SLC2A3: variants seen among roughly 807,000 people sequenced by gnomAD.
SLC2A3 encodes the protein solute carrier family 2, facilitated glucose transporter member 3.
A neutral mutation model predicts 46.4 loss-of-function variants in SLC2A3; 21 were observed. The observed-to-expected ratio is 0.45, with a 90% CI of 0.32 to 0.65. The LOEUF is 0.65. SLC2A3 is among the 30% of genes least tolerant of loss of function. The probability of loss-of-function intolerance (pLI) is 0.04; values close to 1 mark genes in which losing one functional copy is unlikely to be tolerated. For missense variants in SLC2A3, 499 were observed against 623.3 expected (o/e 0.80, Z 2.12); for synonymous variants, 213 against 239.4 (o/e 0.89, Z 1.02).
At chr12:7,933,710 G>A in intron 2 of SLC2A3, 100 bp downstream of exon 2, 1 of 1,281,476 alleles carries the variant, frequency 7.8e-7, no homozygotes, top group Non-Finnish European at 1.1e-6. Flanking sequence ...ACTCCAGGCA[G>A]ATGCCACCAT....
rs763328206 is a variant in SLC2A3, at chr12:7,931,465, A to T, written c.290T>A (p.Val97Asp). ...RFGRRNSMLI[V>D]NLLAVTGGCF... ...GCCACCAGTGACAGCCAACAGGTTG[A>T]CAATCAGCATTGAATTGCGCCTGTA... The change falls in exon 4 of 10, where the codon GTC (valine) becomes GAC (aspartate). Residue 97 changes from valine (V) to aspartate (D), a missense_variant. Transcript: ENST00000075120. 1.2e-6 allele frequency: 2 copies of T among 1,614,202 alleles called. No individual in the cohort carries two copies. Among genetic ancestry groups the T allele is most frequent in the Non-Finnish European group, 1.7e-6 (2 of 1,180,032 alleles).
chr12:7,921,383 T>C lies in SLC2A3; in HGVS notation c.*30A>G. 6.2e-7 allele frequency: 1 copy of C among 1,613,840 alleles called. No individual in the cohort carries two copies. Among genetic ancestry groups the C allele is most frequent in the South Asian group, 1.1e-5 (1 of 91,080 alleles). ...TGTTGAGGGAGAGGTGGCTTTCCCA[T>C]GCCGGGAGGGAGGTGGAAGGAGGCA... is the stretch of plus-strand genomic sequence containing the variant. On this transcript the variant is annotated 3_prime_UTR_variant, in exon 10 of 10. Coordinates refer to ENST00000075120, the MANE Select transcript of SLC2A3 (RefSeq NM_006931.3).
intron 6 of SLC2A3, among the ~76,000 whole-genome samples, chr12:7,926,367 A>G (rs1946094968): frequency 6.6e-6 from 1 of 152,166 alleles, no homozygotes; most frequent in Non-Finnish European, 1.5e-5. Flanking sequence ...CTAGGATTAC[A>G]GGCATGAGCC....
In SLC2A3 at chr12:7,933,873, T is replaced by C; in HGVS notation, c.45A>G (p.Thr15=). The C allele has an allele frequency of 6.2e-7, 1 of 1,614,070 alleles. No homozygotes were observed. The highest frequency in any genetic ancestry group is 8.5e-7 in the Non-Finnish European group (1 of 1,179,974). ...KVTPALIFAI[T]VATIGSFQFG... ...ATTGGAAAGAGCCGATTGTAGCAAC[T>C]GTGATGGCAAATATCAGAGCTGGGG... is the stretch of plus-strand genomic sequence containing the variant. The change falls in exon 2 of 10, where the codon ACA becomes ACG. Residue 15 remains threonine (T), a synonymous_variant. Coordinates refer to ENST00000075120, the MANE Select transcript of SLC2A3 (RefSeq NM_006931.3).
Position 7,928,089 on chromosome 12 carries a change from G to A in SLC2A3, c.861+1595C>T, listed in dbSNP as rs971162872. Among the ~76,000 whole-genome samples, 22 of 151,774 alleles carry A rather than the reference G, an allele frequency of 1.4e-4. 1 individual carries two copies. The highest frequency in any genetic ancestry group is 2.9e-4 in the Non-Finnish European group (20 of 67,942). On this transcript the variant is annotated intron_variant, in intron 6 of 9. Coordinates refer to ENST00000075120, the MANE Select transcript of SLC2A3 (RefSeq NM_006931.3). ...CCACAGCACTCCAGCCTGGGTGACAGAACAAGACTTCACCTCAAAAAAAGG... is the reference window on the plus strand; with the variant it reads ...CCACAGCACTCCAGCCTGGGTGACAAAACAAGACTTCACCTCAAAAAAAGG...
intron 2 of SLC2A3, chr12:7,933,362 C>T: frequency 3.1e-6 from 2 of 641,546 alleles, no homozygotes; most frequent in Non-Finnish European, 2.6e-6. Context: ...CCGATGTTCA[C>T]AGTCTACCCC....
At position 7,921,467 on chromosome 12, in the gene SLC2A3, G is replaced by A. The variant is rs773173270; in HGVS notation, c.1437C>T (p.Gly479=). 3.7e-5 allele frequency: 59 copies of A among 1,613,954 alleles called. No individual in the cohort carries two copies. Among genetic ancestry groups the A allele is most frequent in the Non-Finnish European group, 4.8e-5 (57 of 1,179,870 alleles). Residue 479 remains glycine (G), a synonymous_variant, in exon 10 of 10, where the codon GGC becomes GGT. Transcript: ENST00000075120. Reference sequence around the variant, plus strand: ...GCTCGATGCTGTTCATCTCCATGACGCCGTCCTTTCCAGATCTATCTGCAC... The same window carrying A: ...GCTCGATGCTGTTCATCTCCATGACACCGTCCTTTCCAGATCTATCTGCAC... ...AHGADRSGKD[G]VMEMNSIEPA...
chr12:7,936,063 AAG>A lies in SLC2A3; in HGVS notation c.-31_-30del. ...TGTAATCTAATTCAAGTCTTCAAGA[AAG>A]ATCTAGGGGTGATTCCAGAAACAGC... On this transcript the variant is annotated 5_prime_UTR_variant, in exon 1 of 10. Transcript: ENST00000075120. 1 of 1,596,120 alleles carries A rather than the reference AAG, an allele frequency of 6.3e-7. No homozygotes were observed. The highest frequency in any genetic ancestry group is 1.1e-5 in the South Asian group (1 of 90,782).
At chr12:7,928,425 C>T (rs1946117491) in intron 6 of SLC2A3, among the ~76,000 whole-genome samples, 1 of 151,958 alleles carries the variant, frequency 6.6e-6, no homozygotes, top group Non-Finnish European at 1.5e-5. Context: ...ACACACCATA[C>T]TCTGAAATGG....
intron 2 of SLC2A3, chr12:7,933,547 T>C (rs1357241200): frequency 4.1e-6 from 2 of 492,470 alleles, no homozygotes; most frequent in Non-Finnish European, 7.3e-6. Context: ...CCACCAATAT[T>C]GTCTCCATCT....
At position 7,930,660 on chromosome 12, in the gene SLC2A3, A is replaced by T. The variant is rs1380699322; in HGVS notation, c.511-18T>A. On this transcript the variant is annotated intron_variant, in intron 4 of 9. Transcript: ENST00000075120. ...CCAAAGATCTAGAAACCACACAAAG[A>T]TAATGCTATAAACCCCATACTTCAC... The T allele has an allele frequency of 1.2e-6, 2 of 1,610,058 alleles. No homozygotes were observed. Among genetic ancestry groups the T allele is most frequent in the South Asian group, 2.2e-5 (2 of 90,502 alleles).
rs776469539 is a variant in SLC2A3 at position 7,930,362 on chromosome 12, C to T, written c.673+118G>A. On this transcript the variant is annotated intron_variant, in intron 5 of 9. Transcript: ENST00000075120. ...TTTACTCAGGAGTAATCAGAACCCT[C>T]CTCACTTGGATTCTGAGAGGCAGGG... is the stretch of plus-strand genomic sequence containing the variant. 9 of 1,118,744 alleles carry T rather than the reference C, an allele frequency of 8.0e-6. No individual in the cohort carries two copies. The South Asian group carries it at 1.2e-4, about 15-fold the overall frequency. The allele number at this position is 1,118,744 out of a possible 1,614,324, so 69.3% of individuals were successfully genotyped here. A position where few individuals can be genotyped will look rare whatever the true frequency, so the allele number is the denominator to read the frequency against.
At chr12:7,933,190 T>G in intron 2 of SLC2A3, 43 bp from the exon 3 acceptor site, 7 of 1,600,222 alleles carry the variant, frequency 4.4e-6, no homozygotes, top group Non-Finnish European at 6.0e-6. Context: ...CTGTTACAGT[T>G]GGATGAGAAC....
intron 4 of SLC2A3, among the ~76,000 whole-genome samples, chr12:7,930,972 G>A (rs766659447): frequency 6.6e-6 from 1 of 151,608 alleles, no homozygotes; most frequent in Non-Finnish European, 1.5e-5. Context: ...AATTTTTTGT[G>A]TTTTTAGTAG....
At chr12:7,934,481 G>C (rs1436900882) in intron 1 of SLC2A3, among the ~76,000 whole-genome samples, 1 of 150,904 alleles carries the variant, frequency 6.6e-6, no homozygotes, top group East Asian at 2.0e-4. Flanking sequence ...ATACAGTTCT[G>C]CTATCCCTAA....
rs757485909 is a variant in SLC2A3 at position 7,921,439 on chromosome 12, C to T, written c.1465G>A (p.Ala489Thr). The T allele has an allele frequency of 1.3e-5, 21 of 1,613,898 alleles. No individual in the cohort carries two copies. Among genetic ancestry groups the T allele is most frequent in the Non-Finnish European group, 1.8e-5 (21 of 1,179,912 alleles). Residue 489 changes from alanine to threonine, a missense_variant, in exon 10 of 10, where the codon GCT (alanine) becomes ACT (threonine). Ala to Thr is a moderately conservative substitution (Grantham distance 58, BLOSUM62 0). Coordinates refer to ENST00000075120, the MANE Select transcript of SLC2A3 (RefSeq NM_006931.3). ...TAGACATTGGTGGTGGTCTCCTTAG[C>T]AGGCTCGATGCTGTTCATCTCCATG... is the stretch of plus-strand genomic sequence containing the variant. ...GVMEMNSIEP[A>T]KETTTNV
intron 9 of SLC2A3, among the ~76,000 whole-genome samples, chr12:7,922,170 T>A (rs988478948): frequency 6.6e-6 from 1 of 152,118 alleles, no homozygotes; most frequent in Non-Finnish European, 1.5e-5. Context: ...AGGTGTGTGC[T>A]ACCGCAATGG....
chr12:7,930,759 A>C, intron 4 of SLC2A3, 117 bp from the exon 5 acceptor site: 8 of 1,057,436 alleles, frequency 7.6e-6, no homozygotes, highest in Non-Finnish European at 9.1e-6. Flanking sequence ...AAATAAACAA[A>C]TTGTGTTTCT....
intron 8 of SLC2A3, among the ~76,000 whole-genome samples, chr12:7,923,517 AG>A (rs1299900635): frequency 1.3e-5 from 2 of 152,112 alleles, no homozygotes; most frequent in African/African-American, 2.4e-5. Flanking sequence ...TGGGAGGCTG[AG>A]GCAGCAGAAA....
Sources: allele counts gnomAD v4.1 joint callset (sites outside exome capture counted in the v4.1 genomes callset), GRCh38; gene constraint gnomAD v4.1.1; transcripts MANE v1.5; gene names NCBI Gene and HGNC (gene_info 2026-07-23, HGNC 2026-07-21).